THAP6: variants seen among roughly 807,000 people sequenced by gnomAD.
THAP6 encodes the protein THAP domain containing 6.
Under a neutral mutation model 20.0 loss-of-function variants are expected in THAP6, and 13 were observed. The ratio of observed to expected loss-of-function variants is 0.65; its 90% CI spans 0.42 to 1.03. The LOEUF (loss-of-function observed/expected upper bound fraction) is 1.03. Ranked by LOEUF, THAP6 falls within the 50% of genes least tolerant of loss-of-function variation. THAP6 has a pLI of 0.00. For synonymous variants in THAP6, 93 were observed against 92.2 expected (o/e 1.01, Z -0.05); for missense variants, 262 against 261.6 (o/e 1.00, Z -0.01).
At chr4:75,523,989 C>G (rs141528837) in intron 4 of THAP6, among the ~76,000 whole-genome samples, 45 of 152,118 alleles carry the variant, frequency 3.0e-4, no homozygotes, top group African/African-American at 1.0e-3. Flanking sequence ...ATATGGATAT[C>G]CAGTTTTACC....
At position 75,516,895 on chromosome 4, in the gene THAP6, G is replaced by C; in HGVS notation, c.204G>C (p.Lys68Asn). The C allele has an allele frequency of 1.2e-6, 2 of 1,613,932 alleles. No homozygotes were observed. The highest frequency in any genetic ancestry group is 1.7e-6 in the Non-Finnish European group (2 of 1,180,000). The change falls in exon 3 of 5, where the codon AAG becomes AAC. Residue 68 changes from lysine (K) to asparagine (N), a missense_variant. Physicochemically the swap from Lys to Asn is moderately conservative, Grantham distance 94. Coordinates refer to ENST00000311638, the MANE Select transcript of THAP6 (RefSeq NM_144721.6). ...TGTTGTGTTCGAGGCACTTTAAGAA[G>C]ACAGATTTTGACAGAAGTGCTCCAA... The part of the protein sequence containing the change: ...GDVLCSRHFK[K>N]TDFDRSAPNI...
At chr4:75,523,350 A>G (rs888201820) in intron 4 of THAP6, among the ~76,000 whole-genome samples, 2 of 152,136 alleles carry the variant, frequency 1.3e-5, no homozygotes, top group African/African-American at 4.8e-5. Flanking sequence ...CTGGTTATCA[A>G]TCCCTTGTCA....
rs1229492930 is a variant in THAP6 at position 75,528,487 on chromosome 4, T to C, written c.*1273T>C. Reference sequence around the variant, plus strand: ...AGAATTTGAGTATCAGCCATTTCATTGTAGTAACAAAAATTGAATTGCATT... The same window carrying C: ...AGAATTTGAGTATCAGCCATTTCATCGTAGTAACAAAAATTGAATTGCATT... On this transcript the variant is annotated 3_prime_UTR_variant, in exon 5 of 5. Transcript: ENST00000311638. 2.0e-6 allele frequency: 2 copies of C among 985,270 alleles called. No individual in the cohort carries two copies. Among genetic ancestry groups the C allele is most frequent in the South Asian group, 4.7e-5 (1 of 21,294 alleles). The allele number at this position is 985,270 out of a possible 1,614,324, so 61.0% of individuals were successfully genotyped here. A position where few individuals can be genotyped will look rare whatever the true frequency, so the allele number is the denominator to read the frequency against.
chr4:75,528,561 G>T lies in THAP6; in HGVS notation c.*1347G>T. ...TTTTATTTTTGTTACATTAATATTA[G>T]TTAAGATATGGTCACTTGAATTTTT... On this transcript the variant is annotated 3_prime_UTR_variant, in exon 5 of 5. Coordinates refer to ENST00000311638, the MANE Select transcript of THAP6 (RefSeq NM_144721.6). The T allele has an allele frequency of 4.1e-6, 4 of 980,474 alleles. No homozygotes were observed. The highest frequency in any genetic ancestry group is 4.8e-6 in the Non-Finnish European group (4 of 826,904). 60.7% of individuals were successfully genotyped at this position (980,474 alleles called of 1,614,324 possible).
intron 3 of THAP6, among the ~76,000 whole-genome samples, chr4:75,545,119 A>G (rs74557689): frequency 4.6e-5 from 7 of 152,340 alleles, no homozygotes; most frequent in Non-Finnish European, 1.0e-4. Context: ...TCCAATTCTT[A>G]GAACAGTGAT....
chr4:75,542,271 C>A, intron 2 of THAP6: 1 of 582,694 alleles, frequency 1.7e-6, no homozygotes, highest in Non-Finnish European at 3.1e-6. Flanking sequence ...CACAATACAG[C>A]TTTCCAACTG....
upstream of THAP6, chr4:75,514,124 T>TA (rs746596177): frequency 8.3e-6 from 13 of 1,559,236 alleles, no homozygotes; most frequent in African/African-American, 1.6e-4. Context: ...AATCCAAGCC[T>TA]AACCACCTGC....
At position 75,529,508 on chromosome 4, in the gene THAP6, G is replaced by A; in HGVS notation, c.*2294G>A. The A allele has an allele frequency of 1.0e-6, 1 of 985,420 alleles. No individual in the cohort carries two copies. The allele number at this position is 985,420 out of a possible 1,614,324, so 61.0% of individuals were successfully genotyped here. A position where few individuals can be genotyped will look rare whatever the true frequency, so the allele number is the denominator to read the frequency against. ...TGCCCATTTTCTCTTTGTTCTAATAGGGAAGCAATTACTGATAGAAATGTG... is the reference window on the plus strand; with the variant it reads ...TGCCCATTTTCTCTTTGTTCTAATAAGGAAGCAATTACTGATAGAAATGTG... On this transcript the variant is annotated 3_prime_UTR_variant, in exon 5 of 5. Coordinates refer to ENST00000311638, the MANE Select transcript of THAP6 (RefSeq NM_144721.6).
At chr4:75,534,481 C>T (rs1726793409), downstream of THAP6, among the ~76,000 whole-genome samples, 1 of 152,156 alleles carries the variant, frequency 6.6e-6, no homozygotes, top group Non-Finnish European at 1.5e-5. Context: ...CTAGGCAATA[C>T]CATTCAGGAC....
At position 75,527,452 on chromosome 4, in the gene THAP6, T is replaced by G; in HGVS notation, c.*238T>G. 2 of 1,285,214 alleles carry G rather than the reference T, an allele frequency of 1.6e-6. No individual in the cohort carries two copies. The highest frequency in any genetic ancestry group is 6.4e-5 in the East Asian group (2 of 31,464). The allele number at this position is 1,285,214 out of a possible 1,614,324, so 79.6% of individuals were successfully genotyped here. A position where few individuals can be genotyped will look rare whatever the true frequency, so the allele number is the denominator to read the frequency against. ...TAGACCTACACTAGTGCCAGGTCAC[T>G]ATTGTAAGATGTTAAAATCTCAAGA... On this transcript the variant is annotated 3_prime_UTR_variant, in exon 5 of 5. Transcript: ENST00000311638.
chr4:75,529,681 T>C lies in THAP6; in HGVS notation c.*2467T>C. ...ACCCAAGTCATCCCCCTCCAGAAAT[T>C]TCTCTGGCAGCCAAGCCTGACCCTA... On this transcript the variant is annotated 3_prime_UTR_variant, in exon 5 of 5. Coordinates refer to ENST00000311638, the MANE Select transcript of THAP6 (RefSeq NM_144721.6). The C allele has an allele frequency of 1.0e-6, 1 of 985,418 alleles. No individual in the cohort carries two copies. The highest frequency in any genetic ancestry group is 1.2e-6 in the Non-Finnish European group (1 of 829,966). 61.0% of individuals were successfully genotyped at this position (985,418 alleles called of 1,614,324 possible).
chr4:75,539,462 C>A lies in THAP6; in HGVS notation c.166-2947C>A, dbSNP rs529093005. Among the ~76,000 whole-genome samples the A allele has an allele frequency of 7.2e-5, 11 of 152,250 alleles. No homozygotes were observed. The East Asian group carries it at 1.9e-3, about 27-fold the overall frequency. On this transcript the variant is annotated intron_variant, in intron 2 of 4. Coordinates refer to the THAP6 transcript ENST00000502620. The stretch of plus-strand genomic sequence containing the variant: ...CATAACACAAATACAGATAAGTGGG[C>A]AATATAGCAGGGTCTGTGGCAATTA...
At chr4:75,515,365 C>A (rs776715962) in intron 1 of THAP6, 68 bp from the exon 2 acceptor site, 5 of 1,447,656 alleles carry the variant, frequency 3.5e-6, no homozygotes, top group Non-Finnish European at 4.8e-6. Context: ...CCTAAAACAC[C>A]GGGAAAGGGA....
intron 2 of THAP6, 59 bp from the exon 3 acceptor site, chr4:75,516,713 A>G: frequency 1.4e-6 from 2 of 1,459,130 alleles, no homozygotes; most frequent in Non-Finnish European, 1.9e-6. Flanking sequence ...AGGCAGCTTT[A>G]ATTCAATTAT....
chr4:75,521,887 T>C (rs376792894), intron 4 of THAP6, 26 bp downstream of exon 4: 368 of 1,612,616 alleles, frequency 2.3e-4, no homozygotes, highest in Non-Finnish European at 3.1e-4. Context: ...GCTGAGCTCA[T>C]GTTAATTCTT....
chr4:75,530,422 A>C (rs768740234), downstream of THAP6, among the ~76,000 whole-genome samples: 2 of 152,182 alleles, frequency 1.3e-5, no homozygotes, highest in Non-Finnish European at 2.9e-5. Flanking sequence ...AGATCACTGG[A>C]TACTTCTCCC....
At chr4:75,530,162 C>A, downstream of THAP6, 1 of 755,898 alleles carries the variant, frequency 1.3e-6, no homozygotes, top group Non-Finnish European at 1.6e-6. Flanking sequence ...TTAGATGACC[C>A]ACGTAGCAGG....
chr4:75,531,376 C>T (rs72647453), downstream of THAP6, among the ~76,000 whole-genome samples: 5,735 of 152,310 alleles, frequency 0.038, 169 homozygotes, highest in Middle Eastern at 0.061. Context: ...AGAAGCTACA[C>T]CTGGTTTCCT....
At chr4:75,542,619 T>G (rs1345757568) in intron 3 of THAP6, 1 of 577,824 alleles carries the variant, frequency 1.7e-6, no homozygotes, top group East Asian at 2.8e-5. Flanking sequence ...GCTAGGTAAT[T>G]TGCCCAAGGT....
Sources: allele counts gnomAD v4.1 joint callset (sites outside exome capture counted in the v4.1 genomes callset), GRCh38; gene constraint gnomAD v4.1.1; transcripts MANE v1.5; gene names NCBI Gene and HGNC (gene_info 2026-07-23, HGNC 2026-07-21).